Variants in NFASC observed in about 807,000 individuals in gnomAD.
NFASC encodes neurofascin.
Under a neutral mutation model 147.5 loss-of-function variants are expected in NFASC, and 43 were observed. That is an observed-to-expected ratio of 0.29 (90% CI 0.23 to 0.38). The LOEUF (loss-of-function observed/expected upper bound fraction) is 0.38. NFASC is among the 10% of genes least tolerant of loss of function. NFASC has a pLI of 1.00. For synonymous variants in NFASC, 622 were observed against 665.5 expected (o/e 0.93, Z 1.01); for missense variants, 1,320 against 1,689.0 (o/e 0.78, Z 3.83).
chr1:204,955,019 G>C, intron 7 of NFASC, 68 bp downstream of exon 7: 1 of 1,575,956 alleles, frequency 6.3e-7, no homozygotes, highest in Non-Finnish European at 8.7e-7. Flanking sequence ...TGTGTTAAGT[G>C]GGGAGGGGCT....
chr1:204,975,516 C>G lies in NFASC; in HGVS notation c.1706+98C>G. On this transcript the variant is annotated intron_variant, in intron 15 of 29. Transcript: ENST00000339876. The surrounding 1 kb of genome is among the most constrained non-coding windows in gnomAD (Gnocchi z 4.0). ...CATGGAAGAACACAGGGACAGGGAA[C>G]CCGTGTCATGCATGTCACCAAGGAG... 6.8e-7 allele frequency: 1 copy of G among 1,474,528 alleles called. No individual in the cohort carries two copies. The highest frequency in any genetic ancestry group is 9.3e-7 in the Non-Finnish European group (1 of 1,076,046). 91.3% of individuals were successfully genotyped at this position (1,474,528 alleles called of 1,614,324 possible). A position where few individuals can be genotyped will look rare whatever the true frequency, so the allele number is the denominator to read the frequency against.
intron 1 of NFASC, among the ~76,000 whole-genome samples, chr1:204,856,256 A>T (rs998183675): frequency 1.3e-5 from 2 of 152,064 alleles, no homozygotes; most frequent in Non-Finnish European, 2.9e-5. Context: ...ATACAGACAG[A>T]TGGCTGTTGC....
At chr1:204,984,140 C>T in intron 21 of NFASC, 1 of 1,610,674 alleles carries the variant, frequency 6.2e-7, no homozygotes. Context: ...CAGAGAGTAC[C>T]GAGTGAGGAA....
At chr1:204,982,601 C>A (rs887814329) in intron 21 of NFASC, among the ~76,000 whole-genome samples, 1 of 152,234 alleles carries the variant, frequency 6.6e-6, no homozygotes, top group South Asian at 2.1e-4. Flanking sequence ...AAGAGAAGGT[C>A]TTTGGGGGCT....
chr1:204,846,667 C>T (rs1025501264), intron 1 of NFASC, among the ~76,000 whole-genome samples: 3 of 152,110 alleles, frequency 2.0e-5, no homozygotes, highest in East Asian at 1.9e-4. Context: ...CAGAGAACCA[C>T]GTGACCATCA....
At position 204,987,260 on chromosome 1, in the gene NFASC, G is replaced by A. The variant is rs527432521; in HGVS notation, c.2471-158G>A. The A allele has an allele frequency of 4.6e-5, 31 of 668,686 alleles. No homozygotes were observed. Among genetic ancestry groups the A allele is most frequent in the East Asian group, 2.2e-4 (8 of 36,656 alleles). The allele number at this position is 668,686 out of a possible 1,614,324, so 41.4% of individuals were successfully genotyped here. A position where few individuals can be genotyped will look rare whatever the true frequency, so the allele number is the denominator to read the frequency against. ...CATCCTGGATGGGGCAATGGGCTCC[G>A]GTCGTCTCACGGTTCTCCCAGGCTT... On this transcript the variant is annotated intron_variant, in intron 21 of 29. Coordinates refer to ENST00000339876, the MANE Select transcript of NFASC (RefSeq NM_001005388.3). This position sits in a 1 kb window ranked among gnomAD's most constrained non-coding sequence, Gnocchi z 4.4.
rs1259168494 is a variant in NFASC, at chr1:204,975,221, A to T, written c.1559-50A>T. ...TATGCCACTTTGTGGCCGCATGGGG[A>T]TGCTGGGCAGAGAACAGGCCAGTGG... On this transcript the variant is annotated intron_variant, in intron 14 of 29. Coordinates refer to ENST00000339876, the MANE Select transcript of NFASC (RefSeq NM_001005388.3). The surrounding 1 kb of genome is among the most constrained non-coding windows in gnomAD (Gnocchi z 4.0). The T allele has an allele frequency of 9.0e-6, 14 of 1,559,526 alleles. No individual in the cohort carries two copies. The highest frequency in any genetic ancestry group is 1.2e-5 in the Non-Finnish European group (14 of 1,151,378).
intron 28 of NFASC, among the ~76,000 whole-genome samples, chr1:205,011,873 G>A (rs1294371172): frequency 6.6e-6 from 1 of 152,062 alleles, no homozygotes; most frequent in Non-Finnish European, 1.5e-5. Context: ...GAGGTCGGGA[G>A]TTCAAGACCA....
chr1:204,909,274 G>A (rs1558063062), intron 1 of NFASC, among the ~76,000 whole-genome samples: 1 of 152,046 alleles, frequency 6.6e-6, no homozygotes, highest in Non-Finnish European at 1.5e-5. Context: ...TTTAAATTTA[G>A]TCATTCCAAT....
chr1:204,946,620 T>A (rs572420703), intron 3 of NFASC: 1 of 491,154 alleles, frequency 2.0e-6, no homozygotes, highest in African/African-American at 1.9e-5. Flanking sequence ...GTCCTGGCAC[T>A]CTATGGCCGA....
chr1:204,968,583 C>T lies in NFASC; in HGVS notation c.819-215C>T, dbSNP rs1330580207. 23 of 614,260 alleles carry T rather than the reference C, an allele frequency of 3.7e-5. No homozygotes were observed. The highest frequency in any genetic ancestry group is 1.1e-4 in the African/African-American group (6 of 54,086). The allele number at this position is 614,260 out of a possible 1,614,324, so 38.1% of individuals were successfully genotyped here. A position where few individuals can be genotyped will look rare whatever the true frequency, so the allele number is the denominator to read the frequency against. ...GAGGAAAGAAGGTGATTAGGCATCC[C>T]GTAGATGCGTTAGAATCTCGTGGGA... On this transcript the variant is annotated intron_variant, in intron 9 of 29. Transcript: ENST00000339876. The surrounding 1 kb of genome is among the most constrained non-coding windows in gnomAD (Gnocchi z 5.4).
At position 205,016,229 on chromosome 1, in the gene NFASC, G is replaced by A; in HGVS notation, c.3492-79G>A. The A allele has an allele frequency of 2.1e-6, 2 of 960,030 alleles. No individual in the cohort carries two copies. The highest frequency in any genetic ancestry group is 3.4e-6 in the Non-Finnish European group (2 of 595,420). The allele number at this position is 960,030 out of a possible 1,614,324, so 59.5% of individuals were successfully genotyped here. ...GTCTCCTGGATCCCATCCTCTCTGA[G>A]CTGTGTAGGGCATGTGCTGGCAGGA... On this transcript the variant is annotated intron_variant, in intron 29 of 29. Transcript: ENST00000339876. This position sits in a 1 kb window ranked among gnomAD's most constrained non-coding sequence, Gnocchi z 5.1.
rs1037491623 is a variant in NFASC, at chr1:204,828,682, C to A, written c.-300C>A. On this transcript the variant is annotated 5_prime_UTR_variant, in exon 1 of 30. Coordinates refer to ENST00000339876, the MANE Select transcript of NFASC (RefSeq NM_001005388.3). ...CGGGCTGGTCTCTGCCCTAATGCGG[C>A]GGCTGGCGGCGAGAGGCGCTGCAGG... 27 of 985,090 alleles carry A rather than the reference C, an allele frequency of 2.7e-5. No individual in the cohort carries two copies. The highest frequency in any genetic ancestry group is 3.5e-5 in the African/African-American group (2 of 57,114). 61.0% of individuals were successfully genotyped at this position (985,090 alleles called of 1,614,324 possible). A position where few individuals can be genotyped will look rare whatever the true frequency, so the allele number is the denominator to read the frequency against.
chr1:204,965,411 C>T (rs1573849859), intron 8 of NFASC, among the ~76,000 whole-genome samples: 1 of 152,214 alleles, frequency 6.6e-6, no homozygotes, highest in East Asian at 1.9e-4. Flanking sequence ...ATGAGTTCCT[C>T]CTGCTGCAAT....
intron 2 of NFASC, 69 bp from the exon 3 acceptor site, chr1:204,944,157 C>T (rs2093557339): frequency 1.4e-6 from 2 of 1,410,580 alleles, no homozygotes; most frequent in Admixed American, 2.0e-5. Context: ...CCTCCAAAGC[C>T]CTGTAGGATT....
intron 1 of NFASC, among the ~76,000 whole-genome samples, chr1:204,834,702 A>C (rs1558472639): frequency 6.6e-6 from 1 of 152,206 alleles, no homozygotes; most frequent in Non-Finnish European, 1.5e-5. Context: ...GGAGAGCTTC[A>C]GAACCTCTTA....
At chr1:204,939,677 A>AC (rs1374516543) in intron 2 of NFASC, among the ~76,000 whole-genome samples, 1 of 152,250 alleles carries the variant, frequency 6.6e-6, no homozygotes, top group Non-Finnish European at 1.5e-5. Context: ...TGGGAGAGGA[A>AC]CCCGAGAGGT....
intron 4 of NFASC, among the ~76,000 whole-genome samples, 177 bp from the exon 5 acceptor site, chr1:204,951,834 C>A (rs369784497): frequency 2.6e-5 from 4 of 152,120 alleles, no homozygotes; most frequent in African/African-American, 9.7e-5. Context: ...TTCTTTCCTG[C>A]GGCACCATTT....
At chr1:204,888,481 A>G (rs2081759756) in intron 1 of NFASC, among the ~76,000 whole-genome samples, 1 of 152,180 alleles carries the variant, frequency 6.6e-6, no homozygotes, top group Admixed American at 6.5e-5. Context: ...GTCATTTCAA[A>G]CTAACTGTCC....
Sources: gnomAD v4.1 joint callset for allele counts (sites outside exome capture counted in the v4.1 genomes callset) on GRCh38, gnomAD v4.1.1 for gene constraint, Gnocchi (gnomAD v3.1) non-coding constraint, MANE v1.5 for transcripts, NCBI Gene and HGNC (gene_info 2026-07-23, HGNC 2026-07-21) for gene names.